The following SPRY3 variants were observed in gnomAD, a reference collection of about 807,000 sequenced individuals.
SPRY3 encodes protein sprouty homolog 3.
SPRY3 carries 15 observed loss-of-function variants against 20.2 expected under a neutral mutation model. The observed-to-expected ratio is 0.74, with a 90% CI of 0.50 to 1.14. The LOEUF is 1.14. SPRY3 is among the 50% of genes most tolerant of loss of function. SPRY3 has a pLI of 0.00. For synonymous variants in SPRY3, 143 were observed against 136.5 expected (o/e 1.05, Z -0.33); for missense variants, 364 against 363.9 (o/e 1.00, Z 0.00).
At chrX:155,618,397 G>A (rs1336025572) in intron 1 of SPRY3, among the ~76,000 whole-genome samples, 7 of 111,453 alleles carry the variant, frequency 6.3e-5, no homozygotes, top group African/African-American at 2.0e-4. Context: ...TGGTATGTAT[G>A]TATCAGAGTT....
At chrX:155,710,661 C>T (rs1205733287) in intron 2 of SPRY3, among the ~76,000 whole-genome samples, 1 of 151,592 alleles carries the variant, frequency 6.6e-6, no homozygotes, top group African/African-American at 2.4e-5. Flanking sequence ...ATTTCTTTCT[C>T]TTGTCTGATT....
intron 1 of SPRY3, among the ~76,000 whole-genome samples, chrX:155,629,259 T>C (rs1484638917): frequency 7.6e-5 from 8 of 105,315 alleles, no homozygotes; most frequent in Admixed American, 3.1e-4. Flanking sequence ...ATGCAGTGTT[T>C]GGTTTTCTGT....
At chrX:155,773,927 G>T (rs748440785) in exon 4 of SPRY3, 3 of 1,613,804 alleles carry the variant, frequency 1.9e-6, no homozygotes, top group African/African-American at 1.3e-5. Flanking sequence ...GAACAGCTGC[G>T]CTCTACTCAT....
intron 2 of SPRY3, among the ~76,000 whole-genome samples, chrX:155,661,662 A>C (rs1323706285): frequency 1.8e-5 from 2 of 111,790 alleles, no homozygotes; most frequent in African/African-American, 6.5e-5. Context: ...TCCATCAGGA[A>C]TATCTATGAC....
At chrX:155,630,709 G>A (rs2067903413) in intron 1 of SPRY3, among the ~76,000 whole-genome samples, 1 of 110,534 alleles carries the variant, frequency 9.0e-6, no homozygotes, top group African/African-American at 3.3e-5. Context: ...TTCTTATTTG[G>A]ATTGAATCTG....
At chrX:155,655,119 G>A (rs1436455277) in intron 1 of SPRY3, among the ~76,000 whole-genome samples, 1 of 111,485 alleles carries the variant, frequency 9.0e-6, no homozygotes, top group Non-Finnish European at 1.9e-5. Flanking sequence ...GATGATTAGT[G>A]ATGTTGAGCA....
chrX:155,697,509 A>G (rs1268460159), intron 2 of SPRY3, among the ~76,000 whole-genome samples: 2 of 89,650 alleles, frequency 2.2e-5, no homozygotes, highest in Admixed American at 2.4e-4. Context: ...ATACACACAC[A>G]CACACACACA....
intron 2 of SPRY3, among the ~76,000 whole-genome samples, chrX:155,717,900 A>G (rs1006874379): frequency 6.6e-6 from 1 of 152,060 alleles, no homozygotes; most frequent in Non-Finnish European, 1.5e-5. Flanking sequence ...GAATGATTTT[A>G]TTGGCAAACT....
At chrX:155,767,672 G>GGGAGGAGAAAGAGGCGGAGGA (rs2091342969) in intron 2 of SPRY3, 4 of 117,236 alleles carry the variant, frequency 3.4e-5, no homozygotes, top group African/African-American at 1.2e-4. Context: ...GAGGAGAAGG[G>GGGAGGAGAAAGAGGCGGAGGA]GGAGGAGAAA....
intron 1 of SPRY3, among the ~76,000 whole-genome samples, chrX:155,636,023 C>T (rs1007290315): frequency 8.9e-6 from 1 of 112,261 alleles, no homozygotes; most frequent in African/African-American, 3.2e-5. Context: ...CTCAATAACT[C>T]ACTTAAAGAA....
At chrX:155,746,006 C>T (rs771225910) in intron 2 of SPRY3, among the ~76,000 whole-genome samples, 2 of 152,132 alleles carry the variant, frequency 1.3e-5, no homozygotes, top group Non-Finnish European at 2.9e-5. Flanking sequence ...TATTCAGACA[C>T]ATTTGAAAGG....
intron 2 of SPRY3, among the ~76,000 whole-genome samples, chrX:155,673,640 C>T (rs781990412): frequency 8.9e-6 from 1 of 112,227 alleles, no homozygotes; most frequent in Admixed American, 9.4e-5. Flanking sequence ...TATAGCATCT[C>T]ATCCATTTCT....
At chrX:155,686,347 T>C (rs753325290) in intron 2 of SPRY3, among the ~76,000 whole-genome samples, 1 of 111,853 alleles carries the variant, frequency 8.9e-6, no homozygotes, top group African/African-American at 3.2e-5. Flanking sequence ...ATTTTGAATA[T>C]TACATTTTAA....
chrX:155,707,941 A>G (rs1327239246), intron 2 of SPRY3, among the ~76,000 whole-genome samples: 1 of 151,048 alleles, frequency 6.6e-6, no homozygotes, highest in Non-Finnish European at 1.5e-5. Flanking sequence ...TTAGATTTAC[A>G]TGTGATCTTT....
chrX:155,750,342 G>T (rs1160719319), intron 2 of SPRY3, among the ~76,000 whole-genome samples: 3 of 151,786 alleles, frequency 2.0e-5, no homozygotes, highest in Admixed American at 1.3e-4. Flanking sequence ...CACTACCTGG[G>T]TGACGGGATC....
intron 2 of SPRY3, among the ~76,000 whole-genome samples, chrX:155,679,018 C>T (rs1441313185): frequency 4.5e-5 from 5 of 110,193 alleles, no homozygotes; most frequent in African/African-American, 6.6e-5. Context: ...GGACACAGAG[C>T]GGGGAACATC....
At chrX:155,618,183 C>G (rs2067860310) in intron 1 of SPRY3, among the ~76,000 whole-genome samples, 1 of 112,029 alleles carries the variant, frequency 8.9e-6, no homozygotes, top group African/African-American at 3.2e-5. Context: ...ACTCACTTCC[C>G]TTTCTCCTCC....
At chrX:155,635,176 G>C (rs1317775593) in intron 1 of SPRY3, among the ~76,000 whole-genome samples, 1 of 110,654 alleles carries the variant, frequency 9.0e-6, no homozygotes, top group African/African-American at 3.3e-5. Context: ...TGAGAATGAT[G>C]GTTTCCAGCT....
intron 1 of SPRY3, among the ~76,000 whole-genome samples, chrX:155,652,689 T>A (rs1035675160): frequency 7.1e-5 from 8 of 112,242 alleles, no homozygotes; most frequent in Non-Finnish European, 1.5e-4. Flanking sequence ...TATGAACATT[T>A]GTGAGCATAT....
Sources: gnomAD v4.1 joint callset for allele counts (sites outside exome capture counted in the v4.1 genomes callset) on GRCh38, gnomAD v4.1.1 for gene constraint, MANE v1.5 for transcripts, NCBI Gene and HGNC (gene_info 2026-07-23, HGNC 2026-07-21) for gene names.